The following NSMCE2 variants were observed in gnomAD, a reference collection of about 807,000 sequenced individuals.
NSMCE2 encodes the protein E3 SUMO-protein ligase NSE2.
NSMCE2 carries 24 observed loss-of-function variants against 23.8 expected under a neutral mutation model. That is an observed-to-expected ratio of 1.01 (90% CI 0.73 to 1.42). The LOEUF (loss-of-function observed/expected upper bound fraction) is 1.42. Ranked by LOEUF, NSMCE2 falls within the 40% of genes most tolerant of loss-of-function variation. The pLI is 0.00. For synonymous variants in NSMCE2, 92 were observed against 94.1 expected (o/e 0.98, Z 0.13); for missense variants, 284 against 296.5 (o/e 0.96, Z 0.31).
chr8:125,141,884 A>G (rs1820388972), intron 3 of NSMCE2, among the ~76,000 whole-genome samples: 1 of 152,036 alleles, frequency 6.6e-6, no homozygotes, highest in Admixed American at 6.5e-5. Context: ...TCTGCCTAAC[A>G]TGTGGTGAGT....
intron 5 of NSMCE2, among the ~76,000 whole-genome samples, chr8:125,286,255 A>G (rs73704568): frequency 0.027 from 4,091 of 152,106 alleles, 170 homozygotes; most frequent in African/African-American, 0.093. Context: ...AAATTATCCA[A>G]TGGTCCATCT....
At chr8:125,300,756 C>A (rs1383893751) in intron 5 of NSMCE2, among the ~76,000 whole-genome samples, 1 of 152,014 alleles carries the variant, frequency 6.6e-6, no homozygotes. Context: ...GGAAGGTGGC[C>A]TGATGTAGCC....
chr8:125,220,209 G>T (rs1259363625), intron 5 of NSMCE2, among the ~76,000 whole-genome samples: 1 of 152,148 alleles, frequency 6.6e-6, no homozygotes, highest in African/African-American at 2.4e-5. Flanking sequence ...AAATGGCTGA[G>T]AATCTAAAAC....
At chr8:125,230,987 A>G (rs1029266513) in intron 5 of NSMCE2, among the ~76,000 whole-genome samples, 2 of 152,212 alleles carry the variant, frequency 1.3e-5, no homozygotes, top group African/African-American at 4.8e-5. Context: ...GGATTAATGC[A>G]TTAAACAAAA....
At chr8:125,130,841 A>T (rs1819740500) in intron 3 of NSMCE2, among the ~76,000 whole-genome samples, 1 of 152,246 alleles carries the variant, frequency 6.6e-6, no homozygotes, top group East Asian at 1.9e-4. Context: ...TCCCTCACCA[A>T]CATTAAGAAA....
Position 125,169,091 on chromosome 8 carries a change from TC to T in NSMCE2, c.265-13010del, listed in dbSNP as rs899883026. Reference sequence around the variant, plus strand: ...CTCTCTGCTATTGACAACTGTTCCTTCCTTCCTGAATTTTTATTTTCCCCTG... The same window carrying T: ...CTCTCTGCTATTGACAACTGTTCCTTCTTCCTGAATTTTTATTTTCCCCTG... On this transcript the variant is annotated intron_variant, in intron 4 of 7. Coordinates refer to ENST00000287437, the MANE Select transcript of NSMCE2 (RefSeq NM_173685.4). Among the ~76,000 whole-genome samples the T allele has an allele frequency of 1.0e-3, 158 of 152,330 alleles. 1 individual carries two copies. The highest frequency in any genetic ancestry group is 0.01 in the Middle Eastern group (3 of 294).
At chr8:125,344,742 C>CAAA (rs11389668) in intron 5 of NSMCE2, among the ~76,000 whole-genome samples, 4 of 142,516 alleles carry the variant, frequency 2.8e-5, no homozygotes, top group Admixed American at 7.0e-5. Flanking sequence ...GACTTCATCT[C>CAAA]AAAAAAAAAA....
chr8:125,214,672 C>A (rs1375696109), intron 5 of NSMCE2, among the ~76,000 whole-genome samples: 1 of 152,132 alleles, frequency 6.6e-6, no homozygotes, highest in Non-Finnish European at 1.5e-5. Flanking sequence ...ACACCAGTTT[C>A]CCCTATTTTC....
intron 5 of NSMCE2, among the ~76,000 whole-genome samples, chr8:125,322,619 T>A (rs1387341212): frequency 6.6e-6 from 1 of 152,026 alleles, no homozygotes; most frequent in Non-Finnish European, 1.5e-5. Flanking sequence ...TTCAAACAAG[T>A]ACAATAAGGT....
intron 5 of NSMCE2, among the ~76,000 whole-genome samples, chr8:125,288,833 C>T (rs779801035): frequency 2.0e-5 from 3 of 152,054 alleles, no homozygotes; most frequent in African/African-American, 4.8e-5. Context: ...TTTGCAGTCT[C>T]GCCCTAGCTG....
chr8:125,207,934 CTT>C (rs1824179093), intron 5 of NSMCE2, among the ~76,000 whole-genome samples: 1 of 152,174 alleles, frequency 6.6e-6, no homozygotes, highest in East Asian at 1.9e-4. Context: ...CACAGTGTAA[CTT>C]TTGTCAGACT....
chr8:125,267,969 C>T (rs1205880988), intron 5 of NSMCE2, among the ~76,000 whole-genome samples: 1 of 151,700 alleles, frequency 6.6e-6, no homozygotes, highest in Non-Finnish European at 1.5e-5. Flanking sequence ...TGGCTCACAA[C>T]TATAATCCCA....
intron 5 of NSMCE2, among the ~76,000 whole-genome samples, chr8:125,274,336 A>G (rs1206417879): frequency 6.6e-6 from 1 of 152,210 alleles, no homozygotes; most frequent in African/African-American, 2.4e-5. Context: ...AAATCCAATC[A>G]ATGTTCCTTG....
intron 4 of NSMCE2, among the ~76,000 whole-genome samples, chr8:125,158,981 G>T (rs1427617362): frequency 6.6e-6 from 1 of 152,164 alleles, no homozygotes; most frequent in Non-Finnish European, 1.5e-5. Flanking sequence ...GCCATCTCTG[G>T]TCCAAAATTA....
chr8:125,340,253 A>G (rs1830202511), intron 5 of NSMCE2, among the ~76,000 whole-genome samples: 1 of 151,986 alleles, frequency 6.6e-6, no homozygotes, highest in South Asian at 2.1e-4. Context: ...GTTTAACCAT[A>G]TTTAGGGCTG....
At chr8:125,241,018 C>T (rs1563738401) in intron 5 of NSMCE2, among the ~76,000 whole-genome samples, 1 of 152,074 alleles carries the variant, frequency 6.6e-6, no homozygotes, top group Non-Finnish European at 1.5e-5. Flanking sequence ...TACCTGGGAC[C>T]AGAAGTGTTT....
chr8:125,292,245 GAAA>G (rs1828139160), intron 5 of NSMCE2, among the ~76,000 whole-genome samples: 1 of 151,704 alleles, frequency 6.6e-6, no homozygotes, highest in Admixed American at 6.6e-5. Context: ...AGAAGAAGAA[GAAA>G]AAAGAAGAAG....
chr8:125,345,401 A>G (rs1830396877), intron 5 of NSMCE2, among the ~76,000 whole-genome samples: 1 of 152,142 alleles, frequency 6.6e-6, no homozygotes, highest in African/African-American at 2.4e-5. Flanking sequence ...CCTCTTCACT[A>G]TTTTCATCTT....
chr8:125,134,183 A>G (rs1203640828), intron 3 of NSMCE2, among the ~76,000 whole-genome samples: 3 of 152,234 alleles, frequency 2.0e-5, no homozygotes, highest in Non-Finnish European at 4.4e-5. Context: ...GTATTGATGA[A>G]TGTTTTCATA....
Sources: gnomAD v4.1 joint callset for allele counts (sites outside exome capture counted in the v4.1 genomes callset) on GRCh38, gnomAD v4.1.1 for gene constraint, MANE v1.5 for transcripts, NCBI Gene and HGNC (gene_info 2026-07-23, HGNC 2026-07-21) for gene names.